Variants in CRIM1 observed in about 807,000 individuals in gnomAD.
The protein encoded by CRIM1 is cysteine-rich motor neuron 1 protein.
Under a neutral mutation model 116.4 loss-of-function variants are expected in CRIM1, and 32 were observed. The observed-to-expected ratio is 0.27, with a 90% CI of 0.21 to 0.37. The LOEUF (loss-of-function observed/expected upper bound fraction) is 0.37. Ranked by LOEUF, CRIM1 falls within the 10% of genes least tolerant of loss-of-function variation. The pLI, the probability that CRIM1 is intolerant of heterozygous loss-of-function variation, is 1.00. For missense variants in CRIM1, 1,331 were observed against 1,354.8 expected (o/e 0.98, Z 0.28); for synonymous variants, 590 against 509.2 (o/e 1.16, Z -2.13).
At chr2:36,489,646 C>G (rs1440679848) in intron 7 of CRIM1, among the ~76,000 whole-genome samples, 1 of 152,232 alleles carries the variant, frequency 6.6e-6, no homozygotes, top group African/African-American at 2.4e-5. Flanking sequence ...CTTCCTAACA[C>G]TGAGATCTGC....
At chr2:36,405,006 C>T (rs1672680952) in intron 2 of CRIM1, among the ~76,000 whole-genome samples, 1 of 152,114 alleles carries the variant, frequency 6.6e-6, no homozygotes, top group Admixed American at 6.6e-5. Context: ...ATTGTTACCT[C>T]GTCCTTGGTC....
chr2:36,416,392 A>AG (rs1673624707), intron 2 of CRIM1, among the ~76,000 whole-genome samples: 1 of 152,178 alleles, frequency 6.6e-6, no homozygotes, highest in African/African-American at 2.4e-5. Flanking sequence ...GTGAGGAGAG[A>AG]GGTAGCATGT....
intron 1 of CRIM1, among the ~76,000 whole-genome samples, chr2:36,364,303 G>T (rs1330094617): frequency 6.6e-6 from 1 of 152,198 alleles, no homozygotes; most frequent in Non-Finnish European, 1.5e-5. Flanking sequence ...ATGTATCACA[G>T]AGTATGCATA....
At chr2:36,400,081 A>G (rs777921790) in intron 2 of CRIM1, among the ~76,000 whole-genome samples, 3 of 152,082 alleles carry the variant, frequency 2.0e-5, no homozygotes, top group Non-Finnish European at 4.4e-5. Flanking sequence ...TTCTGGTAGA[A>G]AGAGAGAGAG....
At chr2:36,368,072 C>T (rs183583484) in intron 1 of CRIM1, among the ~76,000 whole-genome samples, 1 of 152,236 alleles carries the variant, frequency 6.6e-6, no homozygotes, top group Admixed American at 6.5e-5. Context: ...ATACTGCAGG[C>T]AGCAGCCAAA....
At position 36,471,919 on chromosome 2, in the gene CRIM1, G is replaced by A. The variant is rs984283168; in HGVS notation, c.992-4970G>A. ...AAGTTTGTGTGACTTGCTTGAGCTG[G>A]TCTGGAACTGAACCCACAATATCTT... is the stretch of plus-strand genomic sequence containing the variant. On this transcript the variant is annotated intron_variant, in intron 5 of 16. Coordinates refer to ENST00000280527, the MANE Select transcript of CRIM1 (RefSeq NM_016441.3). 3.9e-5 allele frequency among the ~76,000 whole-genome samples: 6 copies of A among 152,254 alleles called. No individual in the cohort carries two copies. In the East Asian group the frequency reaches 1.2e-3, roughly 29 times the overall value.
chr2:36,445,091 G>T (rs186898219), intron 4 of CRIM1, among the ~76,000 whole-genome samples: 1 of 152,232 alleles, frequency 6.6e-6, no homozygotes. Flanking sequence ...TAATGTGTCA[G>T]CCCACATCTG....
chr2:36,511,002 T>G (rs866518772), intron 9 of CRIM1, among the ~76,000 whole-genome samples: 1 of 149,268 alleles, frequency 6.7e-6, no homozygotes, highest in Admixed American at 6.7e-5. Flanking sequence ...CATGGCTCAC[T>G]GCAGCCTCAA....
intron 1 of CRIM1, among the ~76,000 whole-genome samples, chr2:36,389,671 A>G (rs959772020): frequency 1.3e-5 from 2 of 152,232 alleles, no homozygotes; most frequent in South Asian, 4.1e-4. Context: ...GGAAAAGGTA[A>G]GAATCTGAGC....
intron 4 of CRIM1, among the ~76,000 whole-genome samples, chr2:36,449,981 C>T (rs1000573608): frequency 6.6e-6 from 1 of 151,482 alleles, no homozygotes; most frequent in South Asian, 2.1e-4. Context: ...AGCTGAGTAA[C>T]AATTCAGTAA....
chr2:36,375,812 G>A (rs771692728), intron 1 of CRIM1, among the ~76,000 whole-genome samples: 1 of 152,202 alleles, frequency 6.6e-6, no homozygotes, highest in Non-Finnish European at 1.5e-5. Context: ...TAATTTGAAG[G>A]TGAAATCACA....
At chr2:36,383,048 G>GT (rs1364181184) in intron 1 of CRIM1, among the ~76,000 whole-genome samples, 1 of 152,124 alleles carries the variant, frequency 6.6e-6, no homozygotes, top group African/African-American at 2.4e-5. Flanking sequence ...TTTGGATAGT[G>GT]TTTTTGAGAC....
intron 1 of CRIM1, among the ~76,000 whole-genome samples, chr2:36,365,844 CT>C (rs1488080647): frequency 1.3e-5 from 2 of 151,846 alleles, no homozygotes; most frequent in African/African-American, 4.8e-5. Context: ...AGCGATTCTC[CT>C]GCCTCAGCCT....
chr2:36,476,684 G>A (rs1384910246), intron 5 of CRIM1, among the ~76,000 whole-genome samples: 1 of 152,180 alleles, frequency 6.6e-6, no homozygotes, highest in Non-Finnish European at 1.5e-5. Flanking sequence ...GTTCCTTGGT[G>A]TAAACTGGAT....
chr2:36,518,213 T>G (rs1426553175), intron 12 of CRIM1, among the ~76,000 whole-genome samples: 3 of 152,252 alleles, frequency 2.0e-5, no homozygotes, highest in Non-Finnish European at 4.4e-5. Flanking sequence ...TTATATAACT[T>G]TAGTAGTACT....
At chr2:36,528,550 T>G (rs1383122411) in intron 13 of CRIM1, among the ~76,000 whole-genome samples, 1 of 152,226 alleles carries the variant, frequency 6.6e-6, no homozygotes, top group Non-Finnish European at 1.5e-5. Context: ...CATGATCCAC[T>G]GTGATTCCTG....
intron 14 of CRIM1, among the ~76,000 whole-genome samples, chr2:36,540,531 C>G (rs1273846836): frequency 6.6e-6 from 1 of 150,928 alleles, no homozygotes; most frequent in Non-Finnish European, 1.5e-5. Context: ...CCTCTAAGGT[C>G]AAGGCCAGTG....
chr2:36,450,169 T>A (rs1401446983), intron 4 of CRIM1, among the ~76,000 whole-genome samples: 4 of 152,208 alleles, frequency 2.6e-5, no homozygotes, highest in Admixed American at 6.5e-5. Flanking sequence ...AATGTCGATA[T>A]CTCTGCCTGT....
chr2:36,533,697 G>A (rs1028168472), intron 13 of CRIM1, among the ~76,000 whole-genome samples: 2 of 152,186 alleles, frequency 1.3e-5, no homozygotes, highest in African/African-American at 4.8e-5. Context: ...TTTAGACAGT[G>A]ATCTCATACA....
Sources: gnomAD v4.1 joint callset for allele counts (sites outside exome capture counted in the v4.1 genomes callset) on GRCh38, gnomAD v4.1.1 for gene constraint, MANE v1.5 for transcripts, NCBI Gene and HGNC (gene_info 2026-07-23, HGNC 2026-07-21) for gene names.